Variants in MRRF observed in about 807,000 individuals in gnomAD.
The protein encoded by MRRF is mitochondrial ribosome recycling factor, also known as ribosome-recycling factor, mitochondrial.
MRRF carries 18 observed loss-of-function variants against 25.1 expected under a neutral mutation model. The observed-to-expected ratio is 0.72, with a 90% CI of 0.50 to 1.06. MRRF has a LOEUF of 1.06. MRRF is among the 50% of genes least tolerant of loss of function. MRRF has a pLI of 0.00. For missense variants in MRRF, 323 were observed against 319.3 expected (o/e 1.01, Z -0.09); for synonymous variants, 113 against 112.1 (o/e 1.01, Z -0.05).
chr9:122,280,102 G>T (rs1325463976), intron 2 of MRRF, among the ~76,000 whole-genome samples: 1 of 152,176 alleles, frequency 6.6e-6, no homozygotes, highest in African/African-American at 2.4e-5. Flanking sequence ...TTGTATCCTT[G>T]TAGCAACCTT....
intron 1 of MRRF, among the ~76,000 whole-genome samples, chr9:122,267,084 AG>A (rs1832155909): frequency 1.3e-5 from 2 of 148,924 alleles, no homozygotes; most frequent in Non-Finnish European, 3.0e-5. Flanking sequence ...AAAAAAAAAA[AG>A]AAAAAAAATT....
In MRRF at chr9:122,329,995, ACCTG is replaced by A. The variant is rs1836241989; in HGVS notation, c.*7385_*7388del. 1 of 152,170 alleles carries A rather than the reference ACCTG, an allele frequency of 6.6e-6. No homozygotes were observed. The highest frequency in any genetic ancestry group is 6.5e-5 in the Admixed American group (1 of 15,284). The allele number at this position is 152,170 out of a possible 1,614,324, so 9.4% of individuals were successfully genotyped here. The stretch of plus-strand genomic sequence containing the variant: ...ACCCAGAGTTTCTCTAATTATCCTC[ACCTG>A]CCTGCCCAGGACCTTCAACCTCATC... On this transcript the variant is annotated 3_prime_UTR_variant, in exon 7 of 7. Coordinates refer to ENST00000344641, the MANE Select transcript of MRRF (RefSeq NM_138777.5).
intron 5 of MRRF, among the ~76,000 whole-genome samples, chr9:122,306,710 T>G (rs1278159666): frequency 6.6e-6 from 1 of 152,222 alleles, no homozygotes; most frequent in Non-Finnish European, 1.5e-5. Context: ...GCAAGAGTTA[T>G]GTCTACTCAC....
intron 5 of MRRF, among the ~76,000 whole-genome samples, chr9:122,293,788 G>A (rs1833918449): frequency 6.6e-6 from 1 of 152,110 alleles, no homozygotes; most frequent in Non-Finnish European, 1.5e-5. Flanking sequence ...GAGCTCACAG[G>A]CTGTGTGCCA....
At chr9:122,291,656 T>A in intron 4 of MRRF, 93 bp from the exon 5 acceptor site, 1 of 881,506 alleles carries the variant, frequency 1.1e-6, no homozygotes, top group South Asian at 1.3e-5. Context: ...TGTTTCCATG[T>A]TCTGCCAAGA....
chr9:122,270,759 C>G, intron 1 of MRRF, 105 bp from the exon 2 acceptor site: 1 of 829,192 alleles, frequency 1.2e-6, no homozygotes. Context: ...TAGTACTTAG[C>G]TCAGTTTATA....
intron 5 of MRRF, among the ~76,000 whole-genome samples, chr9:122,295,642 C>T (rs1350681918): frequency 6.6e-6 from 1 of 152,090 alleles, no homozygotes; most frequent in African/African-American, 2.4e-5. Flanking sequence ...GACGGGATTT[C>T]ACCATGTTAG....
At chr9:122,276,955 G>A (rs1048506094) in intron 2 of MRRF, among the ~76,000 whole-genome samples, 1 of 151,978 alleles carries the variant, frequency 6.6e-6, no homozygotes. Context: ...TAATCTTCTG[G>A]GCTCAACTGA....
At chr9:122,305,425 A>G (rs1230257431) in intron 5 of MRRF, among the ~76,000 whole-genome samples, 1 of 151,916 alleles carries the variant, frequency 6.6e-6, no homozygotes, top group Non-Finnish European at 1.5e-5. Context: ...AAAAAAAAAA[A>G]AAAAATTGTA....
intron 2 of MRRF, among the ~76,000 whole-genome samples, chr9:122,271,788 A>C (rs1832479441): frequency 6.6e-6 from 1 of 152,174 alleles, no homozygotes; most frequent in Non-Finnish European, 1.5e-5. Flanking sequence ...GTATTGACAA[A>C]TTTTGTTGAA....
intron 2 of MRRF, among the ~76,000 whole-genome samples, chr9:122,276,299 A>G (rs1027221022): frequency 6.6e-6 from 1 of 151,582 alleles, no homozygotes; most frequent in African/African-American, 2.4e-5. Flanking sequence ...AAGGTTGTTT[A>G]TTTATTTTAG....
At chr9:122,267,292 A>C (rs1349706676) in intron 1 of MRRF, among the ~76,000 whole-genome samples, 1 of 151,194 alleles carries the variant, frequency 6.6e-6, no homozygotes, top group East Asian at 1.9e-4. Flanking sequence ...GAGGCAGGAG[A>C]ATCCCCTGAA....
chr9:122,273,030 A>G (rs1227534635), intron 2 of MRRF, among the ~76,000 whole-genome samples: 1 of 152,180 alleles, frequency 6.6e-6, no homozygotes, highest in Non-Finnish European at 1.5e-5. Flanking sequence ...TGCCTGACTT[A>G]GTGTCATAAA....
intron 4 of MRRF, chr9:122,285,801 T>G (rs1833361879): frequency 7.8e-7 from 1 of 1,281,130 alleles, no homozygotes; most frequent in African/African-American, 1.6e-5. Context: ...AATAAAACAA[T>G]ACTTTAATGG....
At chr9:122,321,483 T>A (rs907580126) in intron 6 of MRRF, among the ~76,000 whole-genome samples, 1 of 152,182 alleles carries the variant, frequency 6.6e-6, no homozygotes, top group East Asian at 1.9e-4. Context: ...CTTCAGAAAA[T>A]TTTTTCAGAT....
intron 1 of MRRF, chr9:122,265,836 C>G (rs1587990192): frequency 9.6e-7 from 1 of 1,039,688 alleles, no homozygotes; most frequent in East Asian, 5.9e-5. Flanking sequence ...CTTTCTCTAC[C>G]TGTTAAAGTG....
At chr9:122,308,819 C>CA (rs1835028928) in intron 5 of MRRF, among the ~76,000 whole-genome samples, 1 of 152,008 alleles carries the variant, frequency 6.6e-6, no homozygotes, top group Non-Finnish European at 1.5e-5. Context: ...CCTTTCGCCT[C>CA]AGCCTCCCAA....
chr9:122,296,825 T>C (rs1834116339), intron 5 of MRRF, among the ~76,000 whole-genome samples: 1 of 152,166 alleles, frequency 6.6e-6, no homozygotes, highest in Non-Finnish European at 1.5e-5. Context: ...CTAAGTAGAA[T>C]AGTGGTGCTT....
chr9:122,296,063 T>G (rs549440885), intron 5 of MRRF, among the ~76,000 whole-genome samples: 15 of 152,336 alleles, frequency 9.8e-5, no homozygotes, highest in Middle Eastern at 3.4e-3. Flanking sequence ...CAGGCCAGGC[T>G]TGGAGCCTGA....
Sources: allele counts gnomAD v4.1 joint callset (sites outside exome capture counted in the v4.1 genomes callset), GRCh38; gene constraint gnomAD v4.1.1; transcripts MANE v1.5; gene names NCBI Gene and HGNC (gene_info 2026-07-23, HGNC 2026-07-21).